The following CTDSPL variants were observed in gnomAD, a reference collection of about 807,000 sequenced individuals.
The protein encoded by CTDSPL is CTD small phosphatase like, also known as CTD small phosphatase-like protein.
A neutral mutation model predicts 30.5 loss-of-function variants in CTDSPL; 8 were observed. The observed-to-expected ratio is 0.26, with a 90% confidence interval of 0.15 to 0.47. CTDSPL has a LOEUF of 0.47. Among genes scored for constraint, CTDSPL ranks in the 20% least tolerant of loss-of-function variants. The pLI, the probability that CTDSPL is intolerant of heterozygous loss-of-function variation, is 0.99. For synonymous variants in CTDSPL, 110 were observed against 137.9 expected, an observed-to-expected ratio of 0.80 and a Z score of 1.42; for missense variants, 248 against 366.1, an observed-to-expected ratio of 0.68 and a Z score of 2.63.
In CTDSPL at chr3:37,862,980, A is replaced by C. The variant is rs536218532; in HGVS notation, c.79+702A>C. 3.3e-5 allele frequency among the ~76,000 whole-genome samples: 5 copies of C among 152,312 alleles called. No individual in the cohort carries two copies. In the East Asian group the frequency reaches 7.7e-4, roughly 24 times the overall value. On this transcript the variant is annotated intron_variant, in intron 1 of 7. Coordinates refer to ENST00000273179, the MANE Select transcript of CTDSPL (RefSeq NM_001008392.2). This position sits in a 1 kb window ranked among gnomAD's most constrained non-coding sequence, Gnocchi z 4.3. ...GAGGCTGTGTGCATCAGTGCACCTA[A>C]CCACGAACCTGTGTGTACAGATGTG... is the stretch of plus-strand genomic sequence containing the variant.
Position 37,980,948 on chromosome 3 carries a change from A to C in CTDSPL, c.*81A>C. 6.6e-7 allele frequency: 1 copy of C among 1,510,358 alleles called. No homozygotes were observed. Among genetic ancestry groups the C allele is most frequent in the Non-Finnish European group, 9.0e-7 (1 of 1,116,778 alleles). 93.6% of individuals were successfully genotyped at this position (1,510,358 alleles called of 1,614,324 possible). Reference sequence around the variant, plus strand: ...ACCTGCCTGTCCTCAGCTCCCTGGGAGCTGAAAGTGAGGATACTCCGTGCT... The same window carrying C: ...ACCTGCCTGTCCTCAGCTCCCTGGGCGCTGAAAGTGAGGATACTCCGTGCT... On this transcript the variant is annotated 3_prime_UTR_variant, in exon 8 of 8. Transcript: ENST00000273179.
chr3:37,916,060 G>A (rs1008174669), intron 1 of CTDSPL, among the ~76,000 whole-genome samples: 5 of 152,246 alleles, frequency 3.3e-5, no homozygotes, highest in Middle Eastern at 3.4e-3. Context: ...TTGGAGAATG[G>A]AACTCCAATT....
At chr3:37,961,349 G>A (rs1408604645) in intron 3 of CTDSPL, among the ~76,000 whole-genome samples, 4 of 152,200 alleles carry the variant, frequency 2.6e-5, no homozygotes, top group South Asian at 2.1e-4. Context: ...CAGAGGGAAC[G>A]AAAGTTTGAA....
At chr3:37,881,604 A>G (rs796599713) in intron 1 of CTDSPL, among the ~76,000 whole-genome samples, 5 of 152,336 alleles carry the variant, frequency 3.3e-5, no homozygotes, top group African/African-American at 4.8e-5. Flanking sequence ...GAAAACACTA[A>G]CATAACATCT....
At chr3:37,980,680 G>GT in intron 7 of CTDSPL, 62 bp from the exon 8 acceptor site, 1 of 1,589,082 alleles carries the variant, frequency 6.3e-7, no homozygotes, top group Admixed American at 1.7e-5. Context: ...ACCCGGTTAG[G>GT]TTAGGAGCAG....
chr3:37,981,058 G>T lies in CTDSPL; in HGVS notation c.*191G>T. 2.5e-5 allele frequency: 10 copies of T among 395,544 alleles called. No homozygotes were observed. Among genetic ancestry groups the T allele is most frequent in the East Asian group, 1.2e-4 (2 of 16,724 alleles). The allele number at this position is 395,544 out of a possible 1,614,324, so 24.5% of individuals were successfully genotyped here. A position where few individuals can be genotyped will look rare whatever the true frequency, so the allele number is the denominator to read the frequency against. ...AACTATTTTAAAAGAACTCTTTTAAGAAATTTCATAAAGGGACATGCATTT... is the reference window on the plus strand; with the variant it reads ...AACTATTTTAAAAGAACTCTTTTAATAAATTTCATAAAGGGACATGCATTT... On this transcript the variant is annotated 3_prime_UTR_variant, in exon 8 of 8. Transcript: ENST00000273179.
At chr3:37,977,841 G>T (rs576607084) in intron 7 of CTDSPL, among the ~76,000 whole-genome samples, 1 of 152,088 alleles carries the variant, frequency 6.6e-6, no homozygotes, top group Non-Finnish European at 1.5e-5. Flanking sequence ...AGGCTGCAGT[G>T]AGCCATGTTC....
rs551134603 is a variant in CTDSPL, at chr3:37,983,333, A to G, written c.*2466A>G. ...TATCTATATATTTTTAATCATCTACATGTAAATGAAGCAATAGAATTCTAA... is the reference window on the plus strand; with the variant it reads ...TATCTATATATTTTTAATCATCTACGTGTAAATGAAGCAATAGAATTCTAA... On this transcript the variant is annotated 3_prime_UTR_variant, in exon 8 of 8. Coordinates refer to ENST00000273179, the MANE Select transcript of CTDSPL (RefSeq NM_001008392.2). 1 of 152,764 alleles carries G rather than the reference A, an allele frequency of 6.5e-6. No individual in the cohort carries two copies. The highest frequency in any genetic ancestry group is 2.1e-4 in the South Asian group (1 of 4,832). 9.5% of individuals were successfully genotyped at this position (152,764 alleles called of 1,614,324 possible). A position where few individuals can be genotyped will look rare whatever the true frequency, so the allele number is the denominator to read the frequency against.
chr3:37,979,618 G>A (rs1242769787), intron 7 of CTDSPL, among the ~76,000 whole-genome samples: 1 of 152,034 alleles, frequency 6.6e-6, no homozygotes, highest in East Asian at 1.9e-4. Context: ...AAAAAAATTA[G>A]CCAAGCGTGG....
chr3:37,893,753 G>A (rs564903861), intron 1 of CTDSPL, among the ~76,000 whole-genome samples: 1 of 152,050 alleles, frequency 6.6e-6, no homozygotes, highest in Non-Finnish European at 1.5e-5. Context: ...TAGCCAGGGC[G>A]GTATAGACCA....
At chr3:37,943,168 A>C (rs752664257) in intron 1 of CTDSPL, among the ~76,000 whole-genome samples, 6 of 150,336 alleles carry the variant, frequency 4.0e-5, no homozygotes, top group Non-Finnish European at 8.9e-5. Flanking sequence ...GGAGATGTCC[A>C]GCAGACAGGT....
intron 1 of CTDSPL, among the ~76,000 whole-genome samples, chr3:37,877,259 C>G (rs560339449): frequency 1.1e-4 from 16 of 152,284 alleles, no homozygotes; most frequent in African/African-American, 3.8e-4. Flanking sequence ...TAAACAATAA[C>G]TCCCCATTCC....
At position 37,862,977 on chromosome 3, in the gene CTDSPL, C is replaced by T. The variant is rs1329212923; in HGVS notation, c.79+699C>T. Among the ~76,000 whole-genome samples, 1 of 152,190 alleles carries T rather than the reference C, an allele frequency of 6.6e-6. No homozygotes were observed. Among genetic ancestry groups the T allele is most frequent in the African/African-American group, 2.4e-5 (1 of 41,430 alleles). On this transcript the variant is annotated intron_variant, in intron 1 of 7. Transcript: ENST00000273179. This position sits in a 1 kb window ranked among gnomAD's most constrained non-coding sequence, Gnocchi z 4.3. ...AATGAGGCTGTGTGCATCAGTGCAC[C>T]TAACCACGAACCTGTGTGTACAGAT...
intron 1 of CTDSPL, among the ~76,000 whole-genome samples, chr3:37,869,028 TC>T (rs1346708294): frequency 1.3e-5 from 2 of 151,868 alleles, no homozygotes; most frequent in Non-Finnish European, 2.9e-5. Flanking sequence ...AGTCTTCCAA[TC>T]CATGAACACA....
intron 1 of CTDSPL, among the ~76,000 whole-genome samples, chr3:37,944,510 T>C (rs1358964879): frequency 6.7e-6 from 1 of 150,056 alleles, no homozygotes; most frequent in East Asian, 1.9e-4. Context: ...GTAGGGTCAT[T>C]AGTCCAGAGC....
At chr3:37,931,099 A>G (rs1321763883) in intron 1 of CTDSPL, among the ~76,000 whole-genome samples, 2 of 149,206 alleles carry the variant, frequency 1.3e-5, no homozygotes, top group African/African-American at 2.5e-5. Context: ...TAGTCAGTGT[A>G]TAATTGGGTC....
intron 1 of CTDSPL, among the ~76,000 whole-genome samples, chr3:37,938,841 A>G (rs192081961): frequency 2.7e-5 from 4 of 149,514 alleles, no homozygotes; most frequent in East Asian, 3.9e-4. Flanking sequence ...CCACCATTTC[A>G]TGTTTTTAAT....
Position 37,943,521 on chromosome 3 carries a change from T to TA in CTDSPL, c.80-3531dup, listed in dbSNP as rs546204243. ...ACTCCTTCCTCCTAAGTCTGATTTT[T>TA]AAAAATGAAAATCGTTACGGAATAT... On this transcript the variant is annotated intron_variant, in intron 1 of 7. Coordinates refer to ENST00000273179, the MANE Select transcript of CTDSPL (RefSeq NM_001008392.2). Among the ~76,000 whole-genome samples the TA allele has an allele frequency of 4.0e-4, 60 of 150,536 alleles. 2 individuals carry two copies. The highest frequency in any genetic ancestry group is 1.3e-3 in the African/African-American group (55 of 41,412).
At chr3:37,870,802 T>C (rs905443087) in intron 1 of CTDSPL, among the ~76,000 whole-genome samples, 2 of 152,184 alleles carry the variant, frequency 1.3e-5, no homozygotes, top group African/African-American at 4.8e-5. Context: ...TATACTTTAT[T>C]TTTAAAAGCA....
Sources: gnomAD v4.1 joint callset for allele counts (sites outside exome capture counted in the v4.1 genomes callset) on GRCh38, gnomAD v4.1.1 for gene constraint, Gnocchi (gnomAD v3.1) non-coding constraint, MANE v1.5 for transcripts, NCBI Gene and HGNC (gene_info 2026-07-23, HGNC 2026-07-21) for gene names.